The following ADAMTS12 variants were observed in gnomAD, a reference collection of about 807,000 sequenced individuals.
ADAMTS12 encodes A disintegrin and metalloproteinase with thrombospondin motifs 12.
In ADAMTS12, 118 loss-of-function variants were observed where a neutral mutation model predicts 167.8. The ratio of observed to expected loss-of-function variants is 0.70; its 90% CI spans 0.61 to 0.82. The LOEUF (loss-of-function observed/expected upper bound fraction) is 0.82. ADAMTS12 is among the 40% of genes least tolerant of loss of function. ADAMTS12 has a pLI of 0.00. For missense variants in ADAMTS12, 1,916 were observed against 1,998.8 expected, an observed-to-expected ratio of 0.96 and a Z score of 0.79; for synonymous variants, 704 against 716.9, an observed-to-expected ratio of 0.98 and a Z score of 0.29.
chr5:33,778,736 C>T (rs747647035), intron 2 of ADAMTS12, among the ~76,000 whole-genome samples: 4 of 151,790 alleles, frequency 2.6e-5, no homozygotes, highest in African/African-American at 9.7e-5. Context: ...AAACAGACAA[C>T]GTAGGAAATG....
In ADAMTS12 at chr5:33,643,544, T is replaced by C. The variant is rs1476077426; in HGVS notation, c.1480-74A>G. 4.6e-6 allele frequency: 6 copies of C among 1,309,558 alleles called. No individual in the cohort carries two copies. In the Admixed American group the frequency reaches 7.0e-5, roughly 15 times the overall value. The allele number at this position is 1,309,558 out of a possible 1,614,324, so 81.1% of individuals were successfully genotyped here. A position where few individuals can be genotyped will look rare whatever the true frequency, so the allele number is the denominator to read the frequency against. ...GCATTTCTATAGTTACAGTAAAATA[T>C]GCACACTCATCCACACACTCACAAT... is the stretch of plus-strand genomic sequence containing the variant. On this transcript the variant is annotated intron_variant, in intron 9 of 23. Transcript: ENST00000504830.
intron 3 of ADAMTS12, among the ~76,000 whole-genome samples, chr5:33,724,010 G>A (rs115866284): frequency 0.013 from 1,921 of 152,214 alleles, 36 homozygotes; most frequent in African/African-American, 0.044. Flanking sequence ...GCCTAGCATC[G>A]TTGTCCTGAA....
At chr5:33,686,651 C>A (rs1019711236) in intron 3 of ADAMTS12, among the ~76,000 whole-genome samples, 2 of 151,570 alleles carry the variant, frequency 1.3e-5, no homozygotes, top group African/African-American at 4.8e-5. Flanking sequence ...ACAGTGGAGC[C>A]CCCATCATGG....
In ADAMTS12 at chr5:33,615,995, G is replaced by A. The variant is rs767648523; in HGVS notation, c.2221C>T (p.Leu741=). 3.1e-6 allele frequency: 5 copies of A among 1,614,182 alleles called. No homozygotes were observed. The highest frequency in any genetic ancestry group is 1.7e-5 in the Admixed American group (1 of 60,022). ...VMEIEGAGNF[L]AIRSEDPEKY... ...TCAGGATCTTCACTCCTGATGGCCA[G>A]GAAGTTTCCAGCTCCCTCAATTTCC... Residue 741 remains leucine, a synonymous_variant, in exon 15 of 24, where the codon CTG becomes TTG. Coordinates refer to ENST00000504830, the MANE Select transcript of ADAMTS12 (RefSeq NM_030955.4).
At chr5:33,612,273 T>C (rs1738765927) in intron 16 of ADAMTS12, among the ~76,000 whole-genome samples, 2 of 152,216 alleles carry the variant, frequency 1.3e-5, no homozygotes, top group Admixed American at 6.5e-5. Flanking sequence ...CCTAGGTAGG[T>C]GGAAGTGCTG....
chr5:33,780,403 T>C (rs1746082751), intron 2 of ADAMTS12, among the ~76,000 whole-genome samples: 1 of 152,196 alleles, frequency 6.6e-6, no homozygotes, highest in African/African-American at 2.4e-5. Flanking sequence ...TGAGATACTT[T>C]ACAGATAAGG....
intron 19 of ADAMTS12, among the ~76,000 whole-genome samples, chr5:33,574,702 C>G (rs982499926): frequency 4.0e-5 from 6 of 151,878 alleles, no homozygotes; most frequent in Admixed American, 3.3e-4. Flanking sequence ...ACATATGTAA[C>G]AAACATGCAC....
intron 3 of ADAMTS12, among the ~76,000 whole-genome samples, chr5:33,698,173 A>G (rs960689378): frequency 2.0e-5 from 3 of 152,210 alleles, no homozygotes; most frequent in Non-Finnish European, 2.9e-5. Flanking sequence ...AAACTGCCCA[A>G]TTCTAAGTTA....
At chr5:33,684,907 T>G (rs557769363) in intron 3 of ADAMTS12, among the ~76,000 whole-genome samples, 17 of 152,300 alleles carry the variant, frequency 1.1e-4, no homozygotes, top group African/African-American at 4.1e-4. Flanking sequence ...GAGGTCTGTT[T>G]AACACCAAAA....
chr5:33,559,960 G>A (rs34153610), intron 20 of ADAMTS12, among the ~76,000 whole-genome samples: 3 of 152,172 alleles, frequency 2.0e-5, no homozygotes, highest in Admixed American at 6.5e-5. Context: ...TTATATCTCA[G>A]CTTTTGTTTC....
chr5:33,825,133 G>A (rs1748014103), intron 2 of ADAMTS12, among the ~76,000 whole-genome samples: 2 of 152,124 alleles, frequency 1.3e-5, no homozygotes, highest in South Asian at 2.1e-4. Flanking sequence ...AAACTACAGC[G>A]GTTTCACCCA....
At chr5:33,661,146 C>T (rs1042354242) in intron 6 of ADAMTS12, among the ~76,000 whole-genome samples, 15 of 152,154 alleles carry the variant, frequency 9.9e-5, no homozygotes, top group African/African-American at 3.4e-4. Context: ...AATAGGCATA[C>T]GGAGCCCAAG....
chr5:33,548,326 A>T (rs1390808923), intron 21 of ADAMTS12, among the ~76,000 whole-genome samples: 1 of 152,042 alleles, frequency 6.6e-6, no homozygotes, highest in Non-Finnish European at 1.5e-5. Context: ...TTGAATTAAA[A>T]CTCCATTTAT....
At chr5:33,585,819 C>T (rs1246386257) in intron 18 of ADAMTS12, among the ~76,000 whole-genome samples, 4 of 152,140 alleles carry the variant, frequency 2.6e-5, no homozygotes, top group African/African-American at 9.7e-5. Context: ...TCTGGGGCAG[C>T]AGGGGAGAGA....
rs1205864362 is a variant in ADAMTS12 at position 33,661,991 on chromosome 5, C to T, written c.965G>A (p.Cys322Tyr). 1.2e-6 allele frequency: 2 copies of T among 1,612,916 alleles called. No individual in the cohort carries two copies. The highest frequency in any genetic ancestry group is 1.7e-6 in the Non-Finnish European group (2 of 1,179,654). Residue 322 changes from cysteine to tyrosine, a missense_variant, in exon 6 of 24, where the codon TGC (cysteine) becomes TAC (tyrosine). Cys to Tyr is a radical substitution (Grantham distance 194). Transcript: ENST00000504830. ...GGGATTGATACTCTTCTGCCACTTG[C>T]AGAAGCTAGACAGTGTCTTTTCTGC... ...HHAEKTLSSF[C>Y]KWQKSINPKS...
chr5:33,795,469 GA>G (rs1044631166), intron 2 of ADAMTS12, among the ~76,000 whole-genome samples: 1 of 151,924 alleles, frequency 6.6e-6, no homozygotes, highest in African/African-American at 2.4e-5. Flanking sequence ...TACGTCAAAT[GA>G]AAAAAAATTT....
chr5:33,872,683 C>A (rs556840320), intron 2 of ADAMTS12, among the ~76,000 whole-genome samples: 1 of 152,214 alleles, frequency 6.6e-6, no homozygotes, highest in Admixed American at 6.5e-5. Context: ...TGTGTCCCAG[C>A]CACTCCAGCT....
chr5:33,736,084 CAG>C (rs1744365309), intron 3 of ADAMTS12, among the ~76,000 whole-genome samples: 1 of 148,762 alleles, frequency 6.7e-6, no homozygotes, highest in South Asian at 2.1e-4. Flanking sequence ...TTTTTTGACA[CAG>C]AGTCTCACTC....
chr5:33,883,328 T>TG (rs1491470626), intron 1 of ADAMTS12, among the ~76,000 whole-genome samples: 3 of 51,022 alleles, frequency 5.9e-5, no homozygotes, highest in African/African-American at 2.1e-4. Flanking sequence ...TTTTTTTTTG[T>TG]TTTTTTTTTT....
Sources: gnomAD v4.1 joint callset for allele counts (sites outside exome capture counted in the v4.1 genomes callset) on GRCh38, gnomAD v4.1.1 for gene constraint, MANE v1.5 for transcripts, NCBI Gene and HGNC (gene_info 2026-07-23, HGNC 2026-07-21) for gene names.